Variants in PKIB observed in about 807,000 individuals in gnomAD.
PKIB encodes PKI-beta.
Under a neutral mutation model 4.5 loss-of-function variants are expected in PKIB, and 2 were observed. The observed-to-expected ratio is 0.44, with a 90% CI of 0.18 to 1.39. The LOEUF (loss-of-function observed/expected upper bound fraction) is 1.39, where lower values mean the gene tolerates loss of function less well. PKIB is among the 40% of genes most tolerant of loss of function. PKIB has a pLI of 0.27. For synonymous variants in PKIB, 38 were observed against 36.0 expected (o/e 1.06, Z -0.20); for missense variants, 94 against 92.6 (o/e 1.02, Z -0.06).
chr6:122,702,665 C>T (rs984146647), intron 3 of PKIB, among the ~76,000 whole-genome samples: 1 of 151,840 alleles, frequency 6.6e-6, no homozygotes, highest in Non-Finnish European at 1.5e-5. Flanking sequence ...CCCCAAATCA[C>T]GAAGCAACCA....
intron 2 of PKIB, among the ~76,000 whole-genome samples, chr6:122,664,944 T>C (rs986627765): frequency 6.6e-6 from 1 of 152,202 alleles, no homozygotes; most frequent in African/African-American, 2.4e-5. Flanking sequence ...ATTTGGACTT[T>C]AGTGACATCA....
At chr6:122,715,381 C>T (rs547060964) in intron 3 of PKIB, among the ~76,000 whole-genome samples, 1 of 152,098 alleles carries the variant, frequency 6.6e-6, no homozygotes, top group South Asian at 2.1e-4. Flanking sequence ...GAGATACTTG[C>T]AGCCATAGTG....
At chr6:122,525,192 ACTT>A (rs1407989114) in intron 2 of PKIB, among the ~76,000 whole-genome samples, 1 of 152,002 alleles carries the variant, frequency 6.6e-6, no homozygotes, top group African/African-American at 2.4e-5. Flanking sequence ...TTCCTTTGTT[ACTT>A]CTTCTTTGAC....
At chr6:122,488,047 T>C (rs1322465631) in intron 2 of PKIB, among the ~76,000 whole-genome samples, 1 of 152,198 alleles carries the variant, frequency 6.6e-6, no homozygotes, top group Non-Finnish European at 1.5e-5. Context: ...TGTAAATATG[T>C]TGTTCCTCAG....
At chr6:122,543,159 C>A (rs544514276) in intron 2 of PKIB, among the ~76,000 whole-genome samples, 1 of 152,182 alleles carries the variant, frequency 6.6e-6, no homozygotes, top group African/African-American at 2.4e-5. Flanking sequence ...TCACCCCTTG[C>A]GCGTCCCGAG....
chr6:122,534,532 G>T (rs1426554826), intron 2 of PKIB, among the ~76,000 whole-genome samples: 1 of 152,000 alleles, frequency 6.6e-6, no homozygotes, highest in Non-Finnish European at 1.5e-5. Flanking sequence ...GTGGTAGAAG[G>T]GCTAAACTAG....
chr6:122,560,512 G>T (rs1772982511), intron 2 of PKIB, among the ~76,000 whole-genome samples: 1 of 151,986 alleles, frequency 6.6e-6, no homozygotes, highest in African/African-American at 2.4e-5. Flanking sequence ...TTTTGGTTAT[G>T]TCCTTTCCTG....
chr6:122,576,689 A>AAAAAAAAAAAT (rs1345822382), intron 2 of PKIB, among the ~76,000 whole-genome samples: 4 of 34,314 alleles, frequency 1.2e-4, no homozygotes, highest in Non-Finnish European at 1.4e-4. Flanking sequence ...AAAAAAAAAA[A>AAAAAAAAAAAT]ATATATATAT....
At chr6:122,573,521 C>CAAAA (rs61014475) in intron 2 of PKIB, among the ~76,000 whole-genome samples, 1 of 87,588 alleles carries the variant, frequency 1.1e-5, no homozygotes, top group Non-Finnish European at 2.3e-5. Context: ...GACTCTGTCT[C>CAAAA]AAAAAAAAAA....
rs371888186 is a variant in PKIB at position 122,717,984 on chromosome 6, A to G, written c.169+21A>G. 3.1e-6 allele frequency: 5 copies of G among 1,604,646 alleles called. No individual in the cohort carries two copies. The Admixed American group carries it at 5.0e-5, about 16-fold the overall frequency. Reference sequence around the variant, plus strand: ...GGAAGGTAATACTCAAAATCCTCTTACAATTAACAGCACTTGTCCCTTCTT... The same window carrying G: ...GGAAGGTAATACTCAAAATCCTCTTGCAATTAACAGCACTTGTCCCTTCTT... On this transcript the variant is annotated intron_variant, in intron 4 of 4. Transcript: ENST00000368452.
chr6:122,561,988 G>GTTTTTTTTTTTTTTTTTTTTTTT (rs796363707), intron 2 of PKIB, among the ~76,000 whole-genome samples: 3 of 24,276 alleles, frequency 1.2e-4, no homozygotes, highest in East Asian at 1.7e-3. Context: ...TTTTTTGTTT[G>GTTTTTTTTTTTTTTTTTTTTTTT]TTTTTGTTTT....
intron 2 of PKIB, among the ~76,000 whole-genome samples, chr6:122,492,310 G>C (rs1183705490): frequency 6.6e-6 from 1 of 152,146 alleles, no homozygotes; most frequent in Non-Finnish European, 1.5e-5. Context: ...CAAAAACTGA[G>C]CAGAGGAAAA....
At chr6:122,601,853 G>A (rs529080102) in intron 3 of PKIB, among the ~76,000 whole-genome samples, 3 of 152,124 alleles carry the variant, frequency 2.0e-5, no homozygotes, top group Non-Finnish European at 2.9e-5. Flanking sequence ...TTGTGTTCTG[G>A]GGGAGTCAAA....
intron 2 of PKIB, among the ~76,000 whole-genome samples, chr6:122,502,534 G>A (rs1448403335): frequency 1.3e-5 from 2 of 151,848 alleles, no homozygotes; most frequent in Non-Finnish European, 1.5e-5. Flanking sequence ...AGTGAAGGGG[G>A]AAGTGCTACA....
chr6:122,500,998 A>AC (rs1019079397), intron 2 of PKIB, among the ~76,000 whole-genome samples: 4 of 151,696 alleles, frequency 2.6e-5, no homozygotes, highest in Middle Eastern at 3.2e-3. Flanking sequence ...TGATTCAATC[A>AC]CCCCCCACCA....
chr6:122,485,098 GTC>G (rs1775724973), intron 2 of PKIB, among the ~76,000 whole-genome samples: 1 of 152,092 alleles, frequency 6.6e-6, no homozygotes, highest in Non-Finnish European at 1.5e-5. Flanking sequence ...CTGCTCTAGA[GTC>G]TCTGAATATG....
intron 3 of PKIB, among the ~76,000 whole-genome samples, chr6:122,715,491 C>G (rs1779449033): frequency 6.6e-6 from 1 of 151,638 alleles, no homozygotes; most frequent in South Asian, 2.1e-4. Context: ...GAGAAGAGAT[C>G]TAACTGAAAT....
chr6:122,483,303 G>C (rs533855125), intron 2 of PKIB: 1 of 152,050 alleles, frequency 6.6e-6, no homozygotes, highest in Non-Finnish European at 1.5e-5. Context: ...GATTATGGGA[G>C]AGTAATAATC....
At chr6:122,578,000 G>GT (rs1281439256) in intron 2 of PKIB, among the ~76,000 whole-genome samples, 691 of 147,794 alleles carry the variant, frequency 4.7e-3, no homozygotes, top group African/African-American at 6.2e-3. Context: ...AGTTAGAGGA[G>GT]TTTTTTTTTT....
Sources: allele counts gnomAD v4.1 joint callset (sites outside exome capture counted in the v4.1 genomes callset), GRCh38; gene constraint gnomAD v4.1.1; transcripts MANE v1.5; gene names NCBI Gene and HGNC (gene_info 2026-07-23, HGNC 2026-07-21).